The following BNC2 variants were observed in gnomAD, a reference collection of about 807,000 sequenced individuals.
The protein encoded by BNC2 is zinc finger protein basonuclin-2.
BNC2 carries 20 observed loss-of-function variants against 76.3 expected under a neutral mutation model. The observed-to-expected ratio is 0.26, with a 90% CI of 0.18 to 0.38. The LOEUF is 0.38. Ranked by LOEUF, BNC2 falls within the 10% of genes least tolerant of loss-of-function variation. The probability of loss-of-function intolerance (pLI) is 1.00; values close to 1 mark genes in which losing one functional copy is unlikely to be tolerated. For synonymous variants in BNC2, 582 were observed against 514.8 expected, an observed-to-expected ratio of 1.13 and a Z score of -1.77; for missense variants, 1,382 against 1,399.8, an observed-to-expected ratio of 0.99 and a Z score of 0.20.
intron 3 of BNC2, among the ~76,000 whole-genome samples, chr9:16,599,324 G>C (rs1050789404): frequency 6.6e-6 from 1 of 152,174 alleles, no homozygotes; most frequent in Non-Finnish European, 1.5e-5. Context: ...ACTTTCATAG[G>C]ATCAAAAGGA....
At chr9:16,840,027 C>T (rs1323111736) in intron 1 of BNC2, among the ~76,000 whole-genome samples, 6 of 152,194 alleles carry the variant, frequency 3.9e-5, no homozygotes, top group Non-Finnish European at 7.3e-5. Flanking sequence ...GAGTTGAAAC[C>T]TGTTTTCCAT....
intron 1 of BNC2, among the ~76,000 whole-genome samples, chr9:16,845,131 TG>T (rs1397736745): frequency 6.6e-6 from 1 of 152,180 alleles, no homozygotes; most frequent in African/African-American, 2.4e-5. Context: ...TCCCAGGCAC[TG>T]CCAGGATGCC....
chr9:16,492,913 T>C (rs72717034), intron 5 of BNC2, among the ~76,000 whole-genome samples: 17,173 of 152,066 alleles, frequency 0.11, 1,704 homozygotes, highest in African/African-American at 0.26. Flanking sequence ...TTAAGTTTTT[T>C]ACAGGCATCA....
chr9:16,817,102 G>C (rs1029370234), intron 1 of BNC2, among the ~76,000 whole-genome samples: 5 of 152,172 alleles, frequency 3.3e-5, no homozygotes, highest in Admixed American at 1.3e-4. Context: ...TACATAGGCA[G>C]AACACTCTGA....
chr9:16,444,821 G>T (rs972519670), intron 5 of BNC2, among the ~76,000 whole-genome samples: 1 of 152,084 alleles, frequency 6.6e-6, no homozygotes, highest in Non-Finnish European at 1.5e-5. Flanking sequence ...AACTGAGATG[G>T]GTCCATATGT....
chr9:16,670,447 T>C (rs368507554), intron 3 of BNC2, among the ~76,000 whole-genome samples: 1 of 152,184 alleles, frequency 6.6e-6, no homozygotes, highest in African/African-American at 2.4e-5. Context: ...CCCAAAGTGC[T>C]GGGATTACAA....
At chr9:16,482,577 C>T (rs888112285) in intron 5 of BNC2, among the ~76,000 whole-genome samples, 1 of 152,176 alleles carries the variant, frequency 6.6e-6, no homozygotes, top group South Asian at 2.1e-4. Flanking sequence ...CTAAGACTCT[C>T]GTTTCTACAT....
rs560113325 is a variant in BNC2 at position 16,462,956 on chromosome 9, C to T, written c.670-25432G>A. Reference sequence around the variant, plus strand: ...GCCCAAATTTTAGAACTATCCTCTTCCTTCTCCAGAACCGACCATTTCTGG... The same window carrying T: ...GCCCAAATTTTAGAACTATCCTCTTTCTTCTCCAGAACCGACCATTTCTGG... On this transcript the variant is annotated intron_variant, in intron 5 of 6. Coordinates refer to ENST00000380672, the MANE Select transcript of BNC2 (RefSeq NM_017637.6). Among the ~76,000 whole-genome samples, 94 of 152,314 alleles carry T rather than the reference C, an allele frequency of 6.2e-4. No individual in the cohort carries two copies. In the South Asian group the frequency reaches 7.5e-3, roughly 12 times the overall value.
intron 1 of BNC2, among the ~76,000 whole-genome samples, chr9:16,759,462 T>TA (rs977343804): frequency 4.6e-5 from 7 of 152,162 alleles, no homozygotes; most frequent in African/African-American, 1.7e-4. Context: ...ATTGTCTTGA[T>TA]AGAAGTTTAT....
intron 3 of BNC2, chr9:16,727,272 G>C (rs1388525781): frequency 1.3e-5 from 2 of 157,650 alleles, no homozygotes; most frequent in South Asian, 1.9e-4. Flanking sequence ...AGCAACCCTC[G>C]GCGCTGGCAG....
chr9:16,614,410 G>A (rs1418744508), intron 3 of BNC2, among the ~76,000 whole-genome samples: 2 of 151,410 alleles, frequency 1.3e-5, no homozygotes, highest in African/African-American at 2.4e-5. Flanking sequence ...TCAGTTTACT[G>A]TGATTGCTTT....
At chr9:16,562,580 A>G (rs560527551) in intron 4 of BNC2, among the ~76,000 whole-genome samples, 1 of 152,346 alleles carries the variant, frequency 6.6e-6, no homozygotes, top group South Asian at 2.1e-4. Context: ...AAAGATTTTG[A>G]ATACCTTCTA....
intron 1 of BNC2, among the ~76,000 whole-genome samples, chr9:16,774,873 T>C (rs572269322): frequency 7.2e-5 from 11 of 152,346 alleles, no homozygotes; most frequent in Admixed American, 2.0e-4. Context: ...AAAGACTGTA[T>C]ATCTGTTATC....
At chr9:16,432,411 C>T (rs2130804076) in intron 6 of BNC2, among the ~76,000 whole-genome samples, 1 of 152,326 alleles carries the variant, frequency 6.6e-6, no homozygotes. Context: ...CTAAAAGACA[C>T]TATTTAACAT....
chr9:16,675,487 T>C (rs575008707), intron 3 of BNC2, among the ~76,000 whole-genome samples: 10 of 152,296 alleles, frequency 6.6e-5, no homozygotes, highest in Non-Finnish European at 1.3e-4. Context: ...CTTGAACTCC[T>C]GGGCTCAAGT....
At position 16,694,678 on chromosome 9, in the gene BNC2, T is replaced by C. The variant is rs755964822; in HGVS notation, c.330+33119A>G. On this transcript the variant is annotated intron_variant, in intron 3 of 6. Coordinates refer to ENST00000380672, the MANE Select transcript of BNC2 (RefSeq NM_017637.6). ...TTTCTTTGCATGCAAAGCTTGAACA[T>C]AGGTAATGTTAAAAGAAGAAAGGAA... 4.6e-5 allele frequency among the ~76,000 whole-genome samples: 7 copies of C among 152,234 alleles called. No homozygotes were observed. The South Asian group carries it at 6.2e-4, about 14-fold the overall frequency.
chr9:16,484,410 C>T (rs187490930), intron 5 of BNC2, among the ~76,000 whole-genome samples: 170 of 152,292 alleles, frequency 1.1e-3, no homozygotes, highest in Non-Finnish European at 1.5e-3. Flanking sequence ...AACAAGCTTT[C>T]CAGATGTCAT....
At chr9:16,498,128 C>CAT (rs896045525) in intron 5 of BNC2, among the ~76,000 whole-genome samples, 6 of 119,464 alleles carry the variant, frequency 5.0e-5, no homozygotes, top group African/African-American at 2.0e-4. Flanking sequence ...TATATTCTAT[C>CAT]ATATATATAT....
chr9:16,758,626 G>A (rs1825463151), intron 1 of BNC2, among the ~76,000 whole-genome samples: 1 of 152,108 alleles, frequency 6.6e-6, no homozygotes, highest in South Asian at 2.1e-4. Flanking sequence ...ACAGCGCCCA[G>A]CCCAAAGTCC....
Sources: gnomAD v4.1 joint callset for allele counts (sites outside exome capture counted in the v4.1 genomes callset) on GRCh38, gnomAD v4.1.1 for gene constraint, MANE v1.5 for transcripts, NCBI Gene and HGNC (gene_info 2026-07-23, HGNC 2026-07-21) for gene names.